The following NRF1 variants were observed in gnomAD, a reference collection of about 807,000 sequenced individuals.
NRF1 encodes alpha palindromic-binding protein.
A neutral mutation model predicts 58.5 loss-of-function variants in NRF1; 5 were observed. The observed-to-expected ratio is 0.09, with a 90% CI of 0.04 to 0.18. NRF1 has a LOEUF of 0.18. NRF1 is among the 10% of genes least tolerant of loss of function. NRF1 has a pLI of 1.00. For synonymous variants in NRF1, 224 were observed against 246.7 expected (o/e 0.91, Z 0.86); for missense variants, 288 against 657.7 (o/e 0.44, Z 6.15).
chr7:129,738,845 A>G (rs1454023220), intron 10 of NRF1, among the ~76,000 whole-genome samples: 2 of 152,140 alleles, frequency 1.3e-5, no homozygotes, highest in African/African-American at 4.8e-5. Flanking sequence ...ATCATACCAG[A>G]TCTCCAGTAC....
At chr7:129,700,144 A>C (rs1000553397) in intron 5 of NRF1, among the ~76,000 whole-genome samples, 4 of 152,108 alleles carry the variant, frequency 2.6e-5, no homozygotes, top group African/African-American at 9.7e-5. Context: ...CCATCTCAAA[A>C]AAAAAAAAGT....
chr7:129,641,868 A>T (rs907764043), intron 1 of NRF1: 1 of 151,736 alleles, frequency 6.6e-6, no homozygotes, highest in African/African-American at 2.4e-5. Context: ...TTTAGTAGAG[A>T]TGGAGTTTCA....
At chr7:129,751,682 A>T (rs982751668) in intron 10 of NRF1, among the ~76,000 whole-genome samples, 7 of 152,200 alleles carry the variant, frequency 4.6e-5, no homozygotes, top group African/African-American at 1.4e-4. Flanking sequence ...CTTGTTCCCC[A>T]AGCCTGGAGC....
At chr7:129,738,136 C>T (rs1008670048) in intron 10 of NRF1, among the ~76,000 whole-genome samples, 2 of 152,222 alleles carry the variant, frequency 1.3e-5, no homozygotes, top group African/African-American at 4.8e-5. Context: ...ATCGCCTGTT[C>T]TGTAAGAAAA....
chr7:129,648,480 C>T (rs190736977), intron 1 of NRF1, among the ~76,000 whole-genome samples: 12 of 152,066 alleles, frequency 7.9e-5, no homozygotes, highest in South Asian at 2.1e-4. Flanking sequence ...GGGGTTTCAC[C>T]GTGTTAGCCA....
chr7:129,685,644 A>G (rs955276397), intron 4 of NRF1, among the ~76,000 whole-genome samples: 4 of 150,580 alleles, frequency 2.7e-5, no homozygotes, highest in African/African-American at 4.9e-5. Flanking sequence ...ATGCTCAGCA[A>G]TGTCATGCAC....
chr7:129,701,619 AAG>A (rs200127330), intron 5 of NRF1, among the ~76,000 whole-genome samples: 6,372 of 151,950 alleles, frequency 0.042, 209 homozygotes, highest in Admixed American at 0.11. Flanking sequence ...AGAAAAAAAA[AAG>A]AGAGAAAACT....
chr7:129,663,230 G>A (rs950498463), intron 2 of NRF1, among the ~76,000 whole-genome samples: 6 of 151,768 alleles, frequency 4.0e-5, no homozygotes, highest in Non-Finnish European at 7.4e-5. Context: ...CGACAAAACC[G>A]CCATCGTCAT....
At chr7:129,627,794 A>G (rs4731608) in intron 1 of NRF1, among the ~76,000 whole-genome samples, 136,703 of 152,198 alleles carry the variant, frequency 0.9, 61,428 homozygotes, top group East Asian at 0.93. Context: ...ATTGAAATTG[A>G]TTTAACACAT....
chr7:129,618,229 A>G (rs1240416875), intron 1 of NRF1, among the ~76,000 whole-genome samples: 1 of 152,134 alleles, frequency 6.6e-6, no homozygotes, highest in Non-Finnish European at 1.5e-5. Context: ...TAAGATAGGG[A>G]ATGTATAGGA....
chr7:129,636,515 TG>T (rs1480660107), intron 1 of NRF1, among the ~76,000 whole-genome samples: 1 of 152,244 alleles, frequency 6.6e-6, no homozygotes, highest in East Asian at 1.9e-4. Flanking sequence ...CCCAAAGTGC[TG>T]GGATTACAGG....
chr7:129,635,307 G>A (rs1337439979), intron 1 of NRF1, among the ~76,000 whole-genome samples: 2 of 152,204 alleles, frequency 1.3e-5, no homozygotes, highest in Non-Finnish European at 2.9e-5. Context: ...TATGATAGCA[G>A]AAGAGTTTTG....
At chr7:129,718,728 C>A (rs1297287856) in intron 9 of NRF1, among the ~76,000 whole-genome samples, 1 of 152,102 alleles carries the variant, frequency 6.6e-6, no homozygotes, top group Non-Finnish European at 1.5e-5. Flanking sequence ...TACTAGAGAG[C>A]TGTGATGGAT....
Position 129,674,034 on chromosome 7 carries a change from G to A in NRF1, c.338+2491G>A, listed in dbSNP as rs147859889. Among the ~76,000 whole-genome samples, 1,243 of 151,942 alleles carry A rather than the reference G, an allele frequency of 8.2e-3. 9 individuals carry two copies. Among genetic ancestry groups the A allele is most frequent in the Non-Finnish European group, 0.012 (793 of 67,962 alleles). On this transcript the variant is annotated intron_variant, in intron 3 of 10. Transcript: ENST00000393232. ...CAGGCACCTACAATCCCAGCTAGTC[G>A]GGAGGCTGAGGCAGGAGAATAGCTT... is the stretch of plus-strand genomic sequence containing the variant.
intron 1 of NRF1, among the ~76,000 whole-genome samples, chr7:129,652,673 C>T (rs949758604): frequency 1.8e-4 from 27 of 152,172 alleles, no homozygotes; most frequent in Non-Finnish European, 3.5e-4. Context: ...TCACTGCAAG[C>T]TCCGCCTTCC....
At chr7:129,753,158 T>C (rs1029178821) in intron 10 of NRF1, among the ~76,000 whole-genome samples, 50 of 152,212 alleles carry the variant, frequency 3.3e-4, no homozygotes, top group African/African-American at 9.7e-4. Flanking sequence ...TTAGAAAATA[T>C]TTTGACAACC....
intron 1 of NRF1, among the ~76,000 whole-genome samples, chr7:129,631,766 T>G (rs1023449279): frequency 6.6e-6 from 1 of 152,108 alleles, no homozygotes; most frequent in Non-Finnish European, 1.5e-5. Flanking sequence ...GTAAAAAATC[T>G]TCTTTTAGAG....
At chr7:129,744,189 T>C in intron 10 of NRF1, 1 of 1,535,896 alleles carries the variant, frequency 6.5e-7, no homozygotes, top group Non-Finnish European at 8.8e-7. Flanking sequence ...TTATGGCAGA[T>C]CGTGCAGGTC....
chr7:129,631,161 G>A (rs1022909546), intron 1 of NRF1, among the ~76,000 whole-genome samples: 4 of 152,054 alleles, frequency 2.6e-5, no homozygotes, highest in Admixed American at 1.3e-4. Flanking sequence ...AGAGTTGAGC[G>A]AGACTATAGC....
Sources: gnomAD v4.1 joint callset for allele counts (sites outside exome capture counted in the v4.1 genomes callset) on GRCh38, gnomAD v4.1.1 for gene constraint, MANE v1.5 for transcripts, NCBI Gene and HGNC (gene_info 2026-07-23, HGNC 2026-07-21) for gene names.